CENPP: variants seen among roughly 807,000 people sequenced by gnomAD.
CENPP encodes the protein centromere protein P.
In CENPP, 24 loss-of-function variants were observed where a neutral mutation model predicts 35.6. The ratio of observed to expected loss-of-function variants is 0.67; its 90% confidence interval spans 0.49 to 0.95. The LOEUF (loss-of-function observed/expected upper bound fraction) is 0.95, where lower values mean the gene tolerates loss of function less well. Among genes scored for constraint, CENPP ranks in the 40% least tolerant of loss-of-function variants. The probability of loss-of-function intolerance (pLI) is 0.00; values close to 1 mark genes in which losing one functional copy is unlikely to be tolerated. For synonymous variants in CENPP, 120 were observed against 125.5 expected (o/e 0.96, Z 0.29); for missense variants, 332 against 345.3 (o/e 0.96, Z 0.31).
chr9:92,505,717 T>C, intron 5 of CENPP: 1 of 1,512,654 alleles, frequency 6.6e-7, no homozygotes, highest in Non-Finnish European at 8.9e-7. Flanking sequence ...TATTAGAATA[T>C]TAGGATAATT....
At chr9:92,546,464 A>C (rs1849453897) in intron 5 of CENPP, among the ~76,000 whole-genome samples, 1 of 152,064 alleles carries the variant, frequency 6.6e-6, no homozygotes, top group Admixed American at 6.5e-5. Flanking sequence ...TTCGCTCCTG[A>C]AGCCAGCGAG....
chr9:92,427,891 C>A (rs1162054842), intron 5 of CENPP, among the ~76,000 whole-genome samples: 2 of 152,122 alleles, frequency 1.3e-5, no homozygotes, highest in Non-Finnish European at 2.9e-5. Context: ...TGGTGACAGG[C>A]CAGCTTGGCT....
intron 3 of CENPP, among the ~76,000 whole-genome samples, chr9:92,339,175 T>C (rs934077645): frequency 6.6e-6 from 1 of 152,038 alleles, no homozygotes; most frequent in Non-Finnish European, 1.5e-5. Flanking sequence ...TGGTGTAGAG[T>C]AGTTGTTGTA....
chr9:92,585,541 G>A (rs1272871379), intron 5 of CENPP, among the ~76,000 whole-genome samples: 1 of 152,160 alleles, frequency 6.6e-6, no homozygotes, highest in Non-Finnish European at 1.5e-5. Context: ...TGGAATTACT[G>A]GTTGTATGGC....
chr9:92,598,873 C>T (rs913572061), intron 5 of CENPP, among the ~76,000 whole-genome samples: 36 of 151,516 alleles, frequency 2.4e-4, no homozygotes, highest in African/African-American at 7.0e-4. Flanking sequence ...TTTGGCAGGC[C>T]GAGGCAGGTG....
intron 5 of CENPP, among the ~76,000 whole-genome samples, chr9:92,450,760 G>C (rs1844685184): frequency 6.6e-6 from 1 of 151,956 alleles, no homozygotes; most frequent in South Asian, 2.1e-4. Flanking sequence ...AGCACCTGTT[G>C]TTTCCTGACT....
intron 5 of CENPP, among the ~76,000 whole-genome samples, chr9:92,463,995 A>G (rs566288248): frequency 1.3e-5 from 2 of 152,262 alleles, no homozygotes; most frequent in South Asian, 4.1e-4. Flanking sequence ...GATCTTCTGG[A>G]TCAGGTGAGT....
intron 5 of CENPP, among the ~76,000 whole-genome samples, chr9:92,511,395 G>A (rs905543683): frequency 1.3e-4 from 19 of 151,214 alleles, no homozygotes; most frequent in African/African-American, 4.6e-4. Context: ...AAAGTGCCGG[G>A]ATTACAGGCA....
intron 5 of CENPP, among the ~76,000 whole-genome samples, chr9:92,608,255 C>T (rs1229926470): frequency 6.6e-6 from 1 of 152,294 alleles, no homozygotes; most frequent in East Asian, 1.9e-4. Flanking sequence ...AGCCAGGTGC[C>T]GTCCTTCTCT....
intron 5 of CENPP, among the ~76,000 whole-genome samples, chr9:92,531,573 C>T (rs1283658628): frequency 6.6e-6 from 1 of 152,088 alleles, no homozygotes; most frequent in Non-Finnish European, 1.5e-5. Flanking sequence ...ATATTATAGG[C>T]TATTTATCAG....
chr9:92,474,772 A>G, intron 5 of CENPP: 1 of 1,612,670 alleles, frequency 6.2e-7, no homozygotes, highest in Non-Finnish European at 8.5e-7. Context: ...CATCATCATC[A>G]TCATCATCAT....
At position 92,613,135 on chromosome 9, in the gene CENPP, G is replaced by C. The variant is rs147693221; in HGVS notation, c.853G>C (p.Glu285Gln). 51 of 1,613,964 alleles carry C rather than the reference G, an allele frequency of 3.2e-5. No individual in the cohort carries two copies. Among genetic ancestry groups the C allele is most frequent in the Non-Finnish European group, 2.5e-6 (3 of 1,179,932 alleles). Residue 285 changes from glutamate (E) to glutamine (Q), a missense_variant, in exon 8 of 8, where the codon GAG (glutamate) becomes CAG (glutamine). Glu to Gln is a conservative substitution (Grantham distance 29, BLOSUM62 2). Coordinates refer to ENST00000375587, the MANE Select transcript of CENPP (RefSeq NM_001012267.3). ...AAGCCTGATAAAATCGCTTTGTGCA[G>C]AGGAGAACAACTAGTTCCAAAACAG... ...LESLIKSLCAEENN is the reference protein window; with the variant it reads ...LESLIKSLCAQENN
At chr9:92,506,054 A>G (rs888933169) in intron 5 of CENPP, among the ~76,000 whole-genome samples, 1 of 152,240 alleles carries the variant, frequency 6.6e-6, no homozygotes, top group African/African-American at 2.4e-5. Context: ...TTTGGAATTC[A>G]GGTAGGAAAG....
At chr9:92,343,199 G>A (rs1014433286) in intron 3 of CENPP, among the ~76,000 whole-genome samples, 1 of 152,152 alleles carries the variant, frequency 6.6e-6, no homozygotes, top group Non-Finnish European at 1.5e-5. Flanking sequence ...ACAAAGTGAT[G>A]ACTTATAGTT....
intron 5 of CENPP, among the ~76,000 whole-genome samples, chr9:92,530,904 G>A (rs1300345891): frequency 6.6e-6 from 1 of 152,026 alleles, no homozygotes; most frequent in African/African-American, 2.4e-5. Flanking sequence ...AGTACCCAAT[G>A]TTTAGCTCTT....
At chr9:92,351,816 G>C (rs1841452863) in intron 4 of CENPP, among the ~76,000 whole-genome samples, 1 of 151,534 alleles carries the variant, frequency 6.6e-6, no homozygotes, top group African/African-American at 2.4e-5. Context: ...GTAGAGAAGG[G>C]GTTTTGCCAT....
At chr9:92,496,124 A>G in intron 5 of CENPP, 1 of 1,223,064 alleles carries the variant, frequency 8.2e-7, no homozygotes, top group Middle Eastern at 3.2e-4. Flanking sequence ...TACCTTTACT[A>G]TTAATAAAAC....
chr9:92,391,075 G>T (rs1255277822), intron 5 of CENPP, among the ~76,000 whole-genome samples: 1 of 151,524 alleles, frequency 6.6e-6, no homozygotes, highest in East Asian at 1.9e-4. Flanking sequence ...GACCAGCCTG[G>T]CCAACACAGC....
At chr9:92,358,442 C>T in intron 4 of CENPP, among the ~76,000 whole-genome samples, 1 of 152,092 alleles carries the variant, frequency 6.6e-6, no homozygotes, top group East Asian at 1.9e-4. Context: ...TGGGGTTTCA[C>T]CATGTTGGTG....
Sources: allele counts gnomAD v4.1 joint callset (sites outside exome capture counted in the v4.1 genomes callset), GRCh38; gene constraint gnomAD v4.1.1; transcripts MANE v1.5; gene names NCBI Gene and HGNC (gene_info 2026-07-23, HGNC 2026-07-21).